Variants in ZNF366 observed in about 807,000 individuals in gnomAD.
The protein encoded by ZNF366 is zinc finger protein 366.
ZNF366 carries 20 observed loss-of-function variants against 47.2 expected under a neutral mutation model. That is an observed-to-expected ratio of 0.42 (90% CI 0.30 to 0.62). ZNF366 has a LOEUF of 0.62. Ranked by LOEUF, ZNF366 falls within the 20% of genes least tolerant of loss-of-function variation. The pLI, the probability that ZNF366 is intolerant of heterozygous loss-of-function variation, is 0.16. For synonymous variants in ZNF366, 421 were observed against 395.1 expected (o/e 1.07, Z -0.78); for missense variants, 987 against 976.3 (o/e 1.01, Z -0.15).
intron 1 of ZNF366, among the ~76,000 whole-genome samples, chr5:72,462,615 ATCT>A (rs1743346968): frequency 1.4e-5 from 2 of 147,878 alleles, no homozygotes; most frequent in African/African-American, 5.0e-5. Context: ...CAGTGGCACA[ATCT>A]TAGCTTACTG....
intron 1 of ZNF366, among the ~76,000 whole-genome samples, chr5:72,480,876 C>T (rs370318563): frequency 4.6e-5 from 7 of 152,280 alleles, no homozygotes; most frequent in South Asian, 2.1e-4. Context: ...GAAAATTCCA[C>T]GTGAGTGAAG....
At chr5:72,504,095 A>G (rs975213270) in intron 1 of ZNF366, among the ~76,000 whole-genome samples, 1 of 152,024 alleles carries the variant, frequency 6.6e-6, no homozygotes, top group East Asian at 1.9e-4. Flanking sequence ...GCGCGCACAC[A>G]CGCGTGCATG....
In ZNF366 at chr5:72,463,265, C is replaced by T. The variant is rs1306072404; in HGVS notation, c.-14-1755G>A. 2.6e-5 allele frequency among the ~76,000 whole-genome samples: 4 copies of T among 152,176 alleles called. No homozygotes were observed. In the East Asian group the frequency reaches 7.7e-4, roughly 29 times the overall value. On this transcript the variant is annotated intron_variant, in intron 1 of 4. Transcript: ENST00000318442. Reference sequence around the variant, plus strand: ...TTTGGGAGGCTTGAGAGCTGCAGTACAATTAAAACAAAAATGAGCCTTTTT... The same window carrying T: ...TTTGGGAGGCTTGAGAGCTGCAGTATAATTAAAACAAAAATGAGCCTTTTT...
intron 1 of ZNF366, among the ~76,000 whole-genome samples, chr5:72,499,897 TC>T (rs1257901042): frequency 4.6e-5 from 7 of 152,186 alleles, no homozygotes; most frequent in Admixed American, 2.6e-4. Context: ...TGTCCAGGCT[TC>T]AGCAAACCAG....
intron 1 of ZNF366, among the ~76,000 whole-genome samples, chr5:72,501,315 C>T (rs376734616): frequency 1.1e-3 from 164 of 152,218 alleles, no homozygotes; most frequent in African/African-American, 3.7e-3. Context: ...TCTTTGTGTG[C>T]CCTGGTACTT....
intron 1 of ZNF366, among the ~76,000 whole-genome samples, chr5:72,467,291 C>A (rs751692165): frequency 9.2e-5 from 14 of 152,252 alleles, no homozygotes; most frequent in African/African-American, 1.4e-4. Context: ...GAATCTGGGG[C>A]TCAGATAGCT....
At position 72,458,141 on chromosome 5, in the gene ZNF366, C is replaced by T. The variant is rs572200828; in HGVS notation, c.1333-1546G>A. On this transcript the variant is annotated intron_variant, in intron 2 of 4. Transcript: ENST00000318442. ...ACGCCATTCTCCTGCCTCAGCCTTC[C>T]GAGTAGCTGGAACTACAGGTACCCG... Among the ~76,000 whole-genome samples the T allele has an allele frequency of 1.8e-3, 278 of 151,124 alleles. 1 individual carries two copies. The highest frequency in any genetic ancestry group is 6.1e-3 in the African/African-American group (252 of 41,166).
chr5:72,461,016 A>G lies in ZNF366; in HGVS notation c.481T>C (p.Trp161Arg). The G allele has an allele frequency of 6.2e-7, 1 of 1,614,112 alleles. No individual in the cohort carries two copies. The highest frequency in any genetic ancestry group is 2.2e-5 in the East Asian group (1 of 44,866). ...AATGGAGTGGGCGTTGGCTGGGGCCACACGGCGCTGGGCTTAATGGGTTCC... is the reference window on the plus strand; with the variant it reads ...AATGGAGTGGGCGTTGGCTGGGGCCGCACGGCGCTGGGCTTAATGGGTTCC... ...KQEPIKPSAV[W>R]PQPTPTPFLP... The change falls in exon 2 of 5, where the codon TGG becomes CGG. Residue 161 changes from tryptophan to arginine, a missense_variant. By Grantham distance (101) the Trp-to-Arg change is moderately radical. Transcript: ENST00000318442.
Position 72,443,941 on chromosome 5 carries a change from C to T in ZNF366, c.2050G>A (p.Gly684Arg), listed in dbSNP as rs1301570840. The T allele has an allele frequency of 1.2e-6, 2 of 1,614,188 alleles. No homozygotes were observed. The highest frequency in any genetic ancestry group is 1.1e-5 in the South Asian group (1 of 91,086). The change falls in exon 5 of 5, where the codon GGG (glycine) becomes AGG (arginine). Residue 684 changes from glycine (G) to arginine (R), a missense_variant. Around this residue, in one of 3 missense-constraint regions of ZNF366, gnomAD observed 285 missense variants for 234.8 expected, o/e 1.21. Transcript: ENST00000318442. ...EWEKRSKGDL[G>R]AEGGQERDCA... is the part of the protein sequence containing the mutation. ...TCTCTCTCCTGGCCGCCCTCTGCCCCAAGGTCACCCTTGCTCCTCTTCTCC... is the reference window on the plus strand; with the variant it reads ...TCTCTCTCCTGGCCGCCCTCTGCCCTAAGGTCACCCTTGCTCCTCTTCTCC...
At position 72,481,926 on chromosome 5, in the gene ZNF366, T is replaced by C. The variant is rs150883970; in HGVS notation, c.-14-20416A>G. 2.0e-5 allele frequency among the ~76,000 whole-genome samples: 3 copies of C among 152,294 alleles called. No homozygotes were observed. The East Asian group carries it at 5.8e-4, about 29-fold the overall frequency. ...ATGGGAAAGGGTTTCTGATATCCTC[T>C]AGTTCAGGTTTCATTCATCCGATAG... On this transcript the variant is annotated intron_variant, in intron 1 of 4. Transcript: ENST00000318442.
At chr5:72,453,855 A>G (rs551476733) in intron 3 of ZNF366, among the ~76,000 whole-genome samples, 62 of 152,288 alleles carry the variant, frequency 4.1e-4, no homozygotes, top group African/African-American at 1.3e-3. Flanking sequence ...CTAAGAATGG[A>G]GAAGGCCCAC....
chr5:72,498,808 G>C (rs535131173), intron 1 of ZNF366, among the ~76,000 whole-genome samples: 1 of 152,160 alleles, frequency 6.6e-6, no homozygotes, highest in East Asian at 1.9e-4. Context: ...TGTACCTAGC[G>C]ATAGCACTTC....
chr5:72,488,262 G>A (rs1412075966), intron 1 of ZNF366, among the ~76,000 whole-genome samples: 1 of 151,868 alleles, frequency 6.6e-6, no homozygotes, highest in Non-Finnish European at 1.5e-5. Context: ...TGGGTTCCAG[G>A]AGGAAGAAAT....
rs577874004 is a variant in ZNF366, at chr5:72,447,602, G to A, written c.1525-185C>T. On this transcript the variant is annotated intron_variant, in intron 3 of 4. Transcript: ENST00000318442. Reference sequence around the variant, plus strand: ...GTGGAGCAAGTAGGGGTAGATTCATGAGATTTGTTCCTGGATTTCAGAGAT... The same window carrying A: ...GTGGAGCAAGTAGGGGTAGATTCATAAGATTTGTTCCTGGATTTCAGAGAT... Among the ~76,000 whole-genome samples, 19 of 152,324 alleles carry A rather than the reference G, an allele frequency of 1.2e-4. No individual in the cohort carries two copies. In the South Asian group the frequency reaches 3.1e-3, roughly 25 times the overall value.
intron 1 of ZNF366, among the ~76,000 whole-genome samples, chr5:72,476,135 T>G (rs1743670012): frequency 6.6e-6 from 1 of 152,144 alleles, no homozygotes; most frequent in African/African-American, 2.4e-5. Flanking sequence ...ATCCTAAGTT[T>G]CATAAGACCA....
Position 72,447,300 on chromosome 5 carries a change from G to A in ZNF366, c.1642C>T (p.Leu548=). Residue 548 remains leucine (L), a synonymous_variant, in exon 4 of 5, where the codon CTG becomes TTG. Coordinates refer to ENST00000318442, the MANE Select transcript of ZNF366 (RefSeq NM_152625.3). The part of the protein sequence containing the change: ...CPSKFTLKGN[L]TRHMKVKHGV... ...TGCTTGACTTTCATGTGGCGTGTCA[G>A]GTTCCCCTTCAGGGTGAATTTGCTT... 2 of 1,614,186 alleles carry A rather than the reference G, an allele frequency of 1.2e-6. No homozygotes were observed. Among genetic ancestry groups the A allele is most frequent in the East Asian group, 2.2e-5 (1 of 44,880 alleles).
intron 1 of ZNF366, among the ~76,000 whole-genome samples, chr5:72,485,892 T>C (rs1217534641): frequency 6.6e-6 from 1 of 152,124 alleles, no homozygotes; most frequent in African/African-American, 2.4e-5. Context: ...CCCAGGGCCT[T>C]TCACTTGCTG....
At chr5:72,461,570 C>T (rs1743314683) in intron 1 of ZNF366, 60 bp from the exon 2 acceptor site, 4 of 1,509,206 alleles carry the variant, frequency 2.7e-6, no homozygotes, top group East Asian at 2.3e-5. Context: ...TCTCTTTTTC[C>T]TTAAGGATTA....
chr5:72,495,793 T>C (rs1469069265), intron 1 of ZNF366, among the ~76,000 whole-genome samples: 1 of 152,082 alleles, frequency 6.6e-6, no homozygotes, highest in African/African-American at 2.4e-5. Flanking sequence ...TTGCCCACTA[T>C]AAAAGAGCTG....
Sources: gnomAD v4.1 joint callset for allele counts (sites outside exome capture counted in the v4.1 genomes callset) on GRCh38, gnomAD v4.1.1 for gene constraint, gnomAD v4.1.1 regional missense constraint, MANE v1.5 for transcripts, NCBI Gene and HGNC (gene_info 2026-07-23, HGNC 2026-07-21) for gene names.